The following EXD3 variants were observed in gnomAD, a reference collection of about 807,000 sequenced individuals.
EXD3 encodes the protein exonuclease mut-7 homolog.
EXD3 carries 92 observed loss-of-function variants against 98.0 expected under a neutral mutation model. That is an observed-to-expected ratio of 0.94 (90% CI 0.79 to 1.12). The LOEUF is 1.12. EXD3 is among the 50% of genes most tolerant of loss of function. The probability of loss-of-function intolerance (pLI) is 0.00; values close to 1 mark genes in which losing one functional copy is unlikely to be tolerated. For synonymous variants in EXD3, 569 were observed against 526.0 expected (o/e 1.08, Z -1.12); for missense variants, 1,222 against 1,191.6 (o/e 1.03, Z -0.38).
At position 137,373,606 on chromosome 9, in the gene EXD3, A is replaced by G. The variant is rs755784827; in HGVS notation, c.121-7T>C. The G allele has an allele frequency of 1.9e-6, 3 of 1,594,990 alleles. No individual in the cohort carries two copies. The highest frequency in any genetic ancestry group is 1.7e-4 in the Middle Eastern group (1 of 6,010). On this transcript the variant is annotated splice_polypyrimidine_tract_variant and splice_region_variant and intron_variant, in intron 3 of 21. Coordinates refer to ENST00000340951, the MANE Select transcript of EXD3 (RefSeq NM_017820.5). ...GCCAGGCTTCCTCCCGGAGCTGTGG[A>G]GACACAAAACCACACTGGCACTTTG...
rs189173846 is a variant in EXD3, at chr9:137,326,080, A to G, written c.1999-1937T>C. On this transcript the variant is annotated intron_variant, in intron 17 of 21. Coordinates refer to ENST00000340951, the MANE Select transcript of EXD3 (RefSeq NM_017820.5). ...GGCTACAAAGTGAGAACCTGTCTCA[A>G]AAAAAAAAAAAAAAAGACTCTTAGA... Among the ~76,000 whole-genome samples, 654 of 143,908 alleles carry G rather than the reference A, an allele frequency of 4.5e-3. 1 individual carries two copies. The highest frequency in any genetic ancestry group is 8.5e-3 in the Non-Finnish European group (563 of 66,032). 94.4% of individuals were successfully genotyped at this position (143,908 alleles called of 152,430 possible). A position where few individuals can be genotyped will look rare whatever the true frequency, so the allele number is the denominator to read the frequency against.
chr9:137,404,530 C>T (rs1415478789), intron 1 of EXD3, among the ~76,000 whole-genome samples: 2 of 152,222 alleles, frequency 1.3e-5, no homozygotes, highest in African/African-American at 4.8e-5. Context: ...ATTTGGAAAA[C>T]TACATTTGCA....
Position 137,307,228 on chromosome 9 carries a change from A to G in EXD3, c.2353T>C (p.Tyr785His). Residue 785 changes from tyrosine to histidine, a missense_variant, in exon 22 of 22, where the codon TAT becomes CAT. Physicochemically the swap from Tyr to His is moderately conservative, Grantham distance 83. Coordinates refer to ENST00000340951, the MANE Select transcript of EXD3 (RefSeq NM_017820.5). ...APDAAPEGCT[Y>H]DRPCRWLQMA... ...TGCAGCCAGCGGCAGGGGCGGTCAT[A>G]GGTGCAGCCCTCAGGGGCTGCGTCT... 3 of 1,569,776 alleles carry G rather than the reference A, an allele frequency of 1.9e-6. No homozygotes were observed. Among genetic ancestry groups the G allele is most frequent in the Admixed American group, 1.8e-5 (1 of 54,546 alleles).
At chr9:137,315,196 T>C (rs1427615551) in intron 19 of EXD3, among the ~76,000 whole-genome samples, 1 of 152,136 alleles carries the variant, frequency 6.6e-6, no homozygotes, top group Non-Finnish European at 1.5e-5. Flanking sequence ...CCAGCACCCC[T>C]CTGCACAGGT....
At chr9:137,364,128 G>A (rs958639851) in intron 7 of EXD3, among the ~76,000 whole-genome samples, 2 of 152,000 alleles carry the variant, frequency 1.3e-5, no homozygotes, top group African/African-American at 4.8e-5. Context: ...CTGTGGACTC[G>A]TGGACTTTTA....
At chr9:137,331,215 T>C (rs1833048727) in intron 17 of EXD3, among the ~76,000 whole-genome samples, 1 of 152,120 alleles carries the variant, frequency 6.6e-6, no homozygotes, top group Non-Finnish European at 1.5e-5. Flanking sequence ...TGTTTTACGA[T>C]AAAAATCCTC....
At chr9:137,370,221 G>T (rs1835520587) in intron 5 of EXD3, among the ~76,000 whole-genome samples, 1 of 152,188 alleles carries the variant, frequency 6.6e-6, no homozygotes, top group Non-Finnish European at 1.5e-5. Context: ...TTTCACTGTG[G>T]TGGTGCCTGG....
At chr9:137,322,291 C>G (rs1187236330) in intron 19 of EXD3, among the ~76,000 whole-genome samples, 1 of 152,088 alleles carries the variant, frequency 6.6e-6, no homozygotes, top group Non-Finnish European at 1.5e-5. Context: ...GAGCTGTCCC[C>G]GTGGCCATGC....
At position 137,409,067 on chromosome 9, in the gene EXD3, G is replaced by A. The variant is rs1175248298; in HGVS notation, c.-47-13663C>T. 3.3e-5 allele frequency among the ~76,000 whole-genome samples: 5 copies of A among 152,332 alleles called. No individual in the cohort carries two copies. In the South Asian group the frequency reaches 8.3e-4, roughly 25 times the overall value. ...CGCTGGAATTCCATCACCATGCTGC[G>A]GCGTTTCAAGGTGGGGCCTTGGGAC... On this transcript the variant is annotated intron_variant, in intron 1 of 21. Coordinates refer to ENST00000340951, the MANE Select transcript of EXD3 (RefSeq NM_017820.5).
intron 17 of EXD3, among the ~76,000 whole-genome samples, chr9:137,334,806 G>A (rs922377475): frequency 1.3e-5 from 2 of 152,120 alleles, no homozygotes; most frequent in South Asian, 2.1e-4. Flanking sequence ...CCACAAGGCC[G>A]GTGGCTCACG....
intron 17 of EXD3, among the ~76,000 whole-genome samples, chr9:137,336,179 A>G (rs1564487432): frequency 6.6e-6 from 1 of 152,186 alleles, no homozygotes; most frequent in East Asian, 1.9e-4. Context: ...AAAAGACGAC[A>G]TATTGGGTAC....
chr9:137,346,136 G>A (rs1833913907), intron 17 of EXD3, among the ~76,000 whole-genome samples: 1 of 150,392 alleles, frequency 6.6e-6, no homozygotes, highest in Admixed American at 6.7e-5. Flanking sequence ...CTACTCGGGA[G>A]GCTGAGGCAG....
chr9:137,355,421 A>AGGAGGAAGGAGGATGGAGGAAGGGAGGAT, intron 8 of EXD3, among the ~76,000 whole-genome samples: 1 of 117,160 alleles, frequency 8.5e-6, no homozygotes, highest in Admixed American at 8.4e-5. Flanking sequence ...GCAGGGAGGA[A>AGGAGGAAGGAGGATGGAGGAAGGGAGGAT]GGAGGAAGGA....
At chr9:137,408,546 C>CAAAAAAAAAAAAAAAAAAA (rs570243090) in intron 1 of EXD3, among the ~76,000 whole-genome samples, 606 of 44,300 alleles carry the variant, frequency 0.014, 51 homozygotes, top group Admixed American at 0.021. Flanking sequence ...GACTCTGCCT[C>CAAAAAAAAAAAAAAAAAAA]AAAAAAAAAA....
intron 2 of EXD3, chr9:137,392,949 GTGTTCCAGGGGGTGCTGAGGC>G: frequency 1.7e-6 from 1 of 582,080 alleles, no homozygotes; most frequent in Non-Finnish European, 3.1e-6. Flanking sequence ...AGGGCCATTA[GTGTTCCAGGGGGTGCTGAGGC>G]TGTTCCAGGG....
chr9:137,351,583 A>G, intron 12 of EXD3, 55 bp from the exon 13 acceptor site: 2 of 1,509,026 alleles, frequency 1.3e-6, no homozygotes, highest in Non-Finnish European at 1.8e-6. Context: ...CTCTGCAGGG[A>G]CCACAGCCTG....
At chr9:137,399,648 C>A (rs1049761318) in intron 1 of EXD3, among the ~76,000 whole-genome samples, 7 of 152,044 alleles carry the variant, frequency 4.6e-5, no homozygotes, top group African/African-American at 1.7e-4. Context: ...AAACTGGGAA[C>A]AAAAAGAGGT....
rs537907721 is a variant in EXD3, at chr9:137,408,607, C to T, written c.-47-13203G>A. Among the ~76,000 whole-genome samples, 3 of 151,074 alleles carry T rather than the reference C, an allele frequency of 2.0e-5. No homozygotes were observed. The Admixed American group carries it at 2.0e-4, about 10-fold the overall frequency. ...ACAGCAGCCCCTACGGCCCCCACAC[C>T]TCCCCCCAGCTGCTCAGCAAGGCCC... On this transcript the variant is annotated intron_variant, in intron 1 of 21. Coordinates refer to ENST00000340951, the MANE Select transcript of EXD3 (RefSeq NM_017820.5).
intron 3 of EXD3, among the ~76,000 whole-genome samples, chr9:137,376,594 C>G (rs190624186): frequency 1.6e-3 from 247 of 152,118 alleles, no homozygotes; most frequent in African/African-American, 5.6e-3. Flanking sequence ...AGATAAGGCA[C>G]AGAGACCCCC....
Sources: allele counts gnomAD v4.1 joint callset (sites outside exome capture counted in the v4.1 genomes callset), GRCh38; gene constraint gnomAD v4.1.1; transcripts MANE v1.5; gene names NCBI Gene and HGNC (gene_info 2026-07-23, HGNC 2026-07-21).